The following IGF2R variants were observed in gnomAD, a reference collection of about 807,000 sequenced individuals.
IGF2R encodes cation-independent mannose-6-phosphate receptor.
A neutral mutation model predicts 270.6 loss-of-function variants in IGF2R; 91 were observed. That is an observed-to-expected ratio of 0.34 (90% CI 0.28 to 0.40). The LOEUF is 0.40. Ranked by LOEUF, IGF2R falls within the 10% of genes least tolerant of loss-of-function variation. The probability of loss-of-function intolerance (pLI) is 1.00; values close to 1 mark genes in which losing one functional copy is unlikely to be tolerated. For missense variants in IGF2R, 2,805 were observed against 3,188.3 expected, an observed-to-expected ratio of 0.88 and a Z score of 2.90; for synonymous variants, 1,316 against 1,258.9, an observed-to-expected ratio of 1.05 and a Z score of -0.96.
Position 160,075,747 on chromosome 6 carries a change from A to G in IGF2R, c.5167-100A>G, listed in dbSNP as rs182732611. The G allele has an allele frequency of 6.0e-4, 727 of 1,214,670 alleles. 2 individuals carry two copies. Among genetic ancestry groups the G allele is most frequent in the Non-Finnish European group, 7.8e-4 (659 of 845,978 alleles). The allele number at this position is 1,214,670 out of a possible 1,614,324, so 75.2% of individuals were successfully genotyped here. ...TAGATGCTGCTCATTCTCAGAACCT[A>G]TGAGGTCTGGTTTTTGCAATTCTGT... On this transcript the variant is annotated intron_variant, in intron 35 of 47. Transcript: ENST00000356956.
rs1166039691 is a variant in IGF2R at position 160,043,192 on chromosome 6, A to G, written c.1525A>G (p.Thr509Ala). 6.2e-7 allele frequency: 1 copy of G among 1,614,138 alleles called. No homozygotes were observed. The highest frequency in any genetic ancestry group is 1.3e-5 in the African/African-American group (1 of 74,946). Reference sequence around the variant, plus strand: ...AGCTGTGGATGGCAGTCAGACGGAAACAGAGAAGAAGCATTTTTTCATTAA... The same window carrying G: ...AGCTGTGGATGGCAGTCAGACGGAAGCAGAGAAGAAGCATTTTTTCATTAA... ...WEAVDGSQTE[T>A]EKKHFFINIC... The change falls in exon 12 of 48, where the codon ACA becomes GCA. Residue 509 changes from threonine to alanine, a missense_variant. By Grantham distance (58) the Thr-to-Ala change is moderately conservative. Around this residue, in one of 2 missense-constraint regions of IGF2R, gnomAD observed 954 missense variants for 981.1 expected, o/e 0.97. Transcript: ENST00000356956.
chr6:160,001,804 C>T (rs1784133509), intron 2 of IGF2R, among the ~76,000 whole-genome samples: 2 of 152,162 alleles, frequency 1.3e-5, no homozygotes, highest in South Asian at 4.1e-4. Flanking sequence ...TTCATAGGGC[C>T]TGTGAACAAT....
At chr6:160,047,052 G>GT in intron 15 of IGF2R, 107 bp from the exon 16 acceptor site, 1 of 1,033,386 alleles carries the variant, frequency 9.7e-7, no homozygotes, top group African/African-American at 1.6e-5. Context: ...CCCGGGCCTG[G>GT]TTCTGGTGAC....
At chr6:160,065,832 A>G (rs775275920) in intron 29 of IGF2R, among the ~76,000 whole-genome samples, 17,749 of 126,480 alleles carry the variant, frequency 0.14, 1,514 homozygotes, top group Middle Eastern at 0.28. Flanking sequence ...ATATATATAT[A>G]TATATATATA....
At chr6:159,995,665 C>T (rs1482268643) in intron 2 of IGF2R, among the ~76,000 whole-genome samples, 1 of 152,024 alleles carries the variant, frequency 6.6e-6, no homozygotes, top group East Asian at 1.9e-4. Flanking sequence ...TTTTTCATTT[C>T]TGGAATTTCT....
chr6:160,024,625 G>T lies in IGF2R; in HGVS notation c.567G>T (p.Leu189=). The change falls in exon 5 of 48, where the codon CTG becomes CTT. Residue 189 remains leucine (L), a synonymous_variant. Transcript: ENST00000356956. ...TGAGGAAGCATGATCTCAATCCTCT[G>T]ATCAAGCTTAGTGGTGCCTACTTGG... ...EELRKHDLNP[L]IKLSGAYLVD... 6.2e-7 allele frequency: 1 copy of T among 1,614,106 alleles called. No homozygotes were observed. The highest frequency in any genetic ancestry group is 1.1e-5 in the South Asian group (1 of 91,084).
intron 29 of IGF2R, among the ~76,000 whole-genome samples, chr6:160,066,749 T>C (rs1778593434): frequency 1.3e-5 from 2 of 152,222 alleles, no homozygotes; most frequent in African/African-American, 4.8e-5. Context: ...TCACCTGTGC[T>C]GTTCTCCTCT....
chr6:160,060,341 G>A (rs192538205), intron 22 of IGF2R, among the ~76,000 whole-genome samples: 11 of 152,378 alleles, frequency 7.2e-5, no homozygotes, highest in Non-Finnish European at 1.3e-4. Context: ...GTGTAAACCT[G>A]TCATAGGCCA....
intron 41 of IGF2R, among the ~76,000 whole-genome samples, chr6:160,085,883 G>T (rs1431352632): frequency 1.3e-5 from 2 of 152,186 alleles, no homozygotes; most frequent in African/African-American, 2.4e-5. Context: ...AGGAAGTGGC[G>T]CCCAGACCGC....
chr6:160,008,361 G>C (rs1245244684), intron 2 of IGF2R, among the ~76,000 whole-genome samples: 2 of 151,824 alleles, frequency 1.3e-5, no homozygotes, highest in African/African-American at 4.8e-5. Context: ...ATTCACATTT[G>C]TGTCTCTGTG....
At chr6:160,001,601 A>C (rs1407586653) in intron 2 of IGF2R, among the ~76,000 whole-genome samples, 3 of 152,150 alleles carry the variant, frequency 2.0e-5, no homozygotes, top group Non-Finnish European at 4.4e-5. Context: ...GCTGCCCTAA[A>C]ATTTTTTATA....
Position 160,104,967 on chromosome 6 carries a change from G to C in IGF2R, c.7359G>C (p.Leu2453=), listed in dbSNP as rs771638093. The change falls in exon 48 of 48, where the codon CTG becomes CTC. Residue 2453 remains leucine, a synonymous_variant. Transcript: ENST00000356956. ...LQEREDDRVG[L]VRGEKARKGK... Reference sequence around the variant, plus strand: ...AGCGTGAGGACGATAGGGTGGGGCTGGTCAGGGGTGAGAAGGCGAGGAAAG... The same window carrying C: ...AGCGTGAGGACGATAGGGTGGGGCTCGTCAGGGGTGAGAAGGCGAGGAAAG... 1.9e-6 allele frequency: 3 copies of C among 1,614,082 alleles called. No homozygotes were observed.
intron 2 of IGF2R, among the ~76,000 whole-genome samples, chr6:159,996,510 G>C (rs1420940522): frequency 6.6e-6 from 1 of 152,166 alleles, no homozygotes; most frequent in African/African-American, 2.4e-5. Flanking sequence ...AGTGGCTCAA[G>C]CACCAGCCCT....
rs373127985 is a variant in IGF2R, at chr6:159,972,421, C to T, written c.149+3026C>T. Among the ~76,000 whole-genome samples the T allele has an allele frequency of 6.6e-5, 10 of 152,294 alleles. 1 individual carries two copies. Among genetic ancestry groups the T allele is most frequent in the African/African-American group, 2.2e-4 (9 of 41,552 alleles). On this transcript the variant is annotated intron_variant, in intron 1 of 47. Transcript: ENST00000356956. Reference sequence around the variant, plus strand: ...GTTCATTGTATGGCCCCCAGAAAGTCATTATCCTTGCAAAGGTTTTGGAGC... The same window carrying T: ...GTTCATTGTATGGCCCCCAGAAAGTTATTATCCTTGCAAAGGTTTTGGAGC...
At chr6:160,055,390 G>A (rs950846662) in intron 19 of IGF2R, among the ~76,000 whole-genome samples, 3 of 152,046 alleles carry the variant, frequency 2.0e-5, no homozygotes, top group South Asian at 2.1e-4. Flanking sequence ...CATTGTTGTC[G>A]TGTCTCTCAG....
Position 160,108,065 on chromosome 6 carries a change from G to A in IGF2R, c.*2981G>A, listed in dbSNP as rs1779660369. The stretch of plus-strand genomic sequence containing the variant: ...ATCGGGTCACAAGGAGCCAGTGTGT[G>A]TGTCACCAGGAGGTTGTATGGACGA... On this transcript the variant is annotated 3_prime_UTR_variant, in exon 48 of 48. Coordinates refer to ENST00000356956, the MANE Select transcript of IGF2R (RefSeq NM_000876.4). The A allele has an allele frequency of 6.6e-6, 1 of 152,314 alleles. No homozygotes were observed. The highest frequency in any genetic ancestry group is 6.5e-5 in the Admixed American group (1 of 15,286). 9.4% of individuals were successfully genotyped at this position (152,314 alleles called of 1,614,324 possible).
chr6:160,021,788 GTAAAT>G (rs1207094263), intron 4 of IGF2R, among the ~76,000 whole-genome samples: 1 of 152,154 alleles, frequency 6.6e-6, no homozygotes, highest in Non-Finnish European at 1.5e-5. Flanking sequence ...TGGTGGGAAT[GTAAAT>G]TAGAATGACC....
chr6:159,971,998 T>C (rs1379694364), intron 1 of IGF2R, among the ~76,000 whole-genome samples: 1 of 152,246 alleles, frequency 6.6e-6, no homozygotes. Context: ...TAAATACTTT[T>C]TGAAAACTTT....
At chr6:159,971,276 G>T (rs1433267549) in intron 1 of IGF2R, among the ~76,000 whole-genome samples, 2 of 152,164 alleles carry the variant, frequency 1.3e-5, no homozygotes, top group Non-Finnish European at 2.9e-5. Context: ...TCTTGAACCT[G>T]TGTTCACGAA....
Sources: gnomAD v4.1 joint callset for allele counts (sites outside exome capture counted in the v4.1 genomes callset) on GRCh38, gnomAD v4.1.1 for gene constraint, gnomAD v4.1.1 regional missense constraint, MANE v1.5 for transcripts, NCBI Gene and HGNC (gene_info 2026-07-23, HGNC 2026-07-21) for gene names.